SRGAP2: variants seen among roughly 807,000 people sequenced by gnomAD.
SRGAP2 encodes SLIT-ROBO Rho GTPase-activating protein 2.
Under a neutral mutation model 57.2 loss-of-function variants are expected in SRGAP2, and 15 were observed. That is an observed-to-expected ratio of 0.26 (90% confidence interval 0.18 to 0.40). The LOEUF (loss-of-function observed/expected upper bound fraction) is 0.40, where lower values mean the gene tolerates loss of function less well. Ranked by LOEUF, SRGAP2 falls within the 10% of genes least tolerant of loss-of-function variation. The pLI, the probability that SRGAP2 is intolerant of heterozygous loss-of-function variation, is 1.00. For synonymous variants in SRGAP2, 249 were observed against 248.0 expected, an observed-to-expected ratio of 1.00 and a Z score of -0.04; for missense variants, 520 against 669.6, an observed-to-expected ratio of 0.78 and a Z score of 2.47.
At chr1:206,275,888 T>G (rs2102671386) in intron 2 of SRGAP2, among the ~76,000 whole-genome samples, 1 of 152,102 alleles carries the variant, frequency 6.6e-6, no homozygotes, top group African/African-American at 2.4e-5. Context: ...GTGCTGGGAT[T>G]ACAAGTGTGA....
In SRGAP2 at chr1:206,454,011, T is replaced by C. The variant is rs1663589876; in HGVS notation, c.2360+631T>C. 4.6e-6 allele frequency: 3 copies of C among 659,014 alleles called. No homozygotes were observed. Among genetic ancestry groups the C allele is most frequent in the Non-Finnish European group, 8.3e-6 (3 of 362,790 alleles). The allele number at this position is 659,014 out of a possible 1,614,324, so 40.8% of individuals were successfully genotyped here. The stretch of plus-strand genomic sequence containing the variant: ...TAGGCTGTTGGTTGATTCTCACACT[T>C]TGAAGCAGTTGTCCCGTGGGCCCAC... On this transcript the variant is annotated intron_variant, in intron 20 of 22. Coordinates refer to ENST00000573034, the MANE Select transcript of SRGAP2 (RefSeq NM_015326.5). The surrounding 1 kb of genome is among the most constrained non-coding windows in gnomAD (Gnocchi z 4.3).
intron 4 of SRGAP2, among the ~76,000 whole-genome samples, chr1:206,354,758 C>G (rs1352155439): frequency 6.6e-6 from 1 of 151,050 alleles, no homozygotes; most frequent in African/African-American, 2.4e-5. Flanking sequence ...CTCTCTCCTT[C>G]TCTCCCTCCT....
intron 2 of SRGAP2, among the ~76,000 whole-genome samples, chr1:206,249,516 TCTCA>T (rs1412323261): frequency 4.0e-5 from 6 of 151,388 alleles, no homozygotes; most frequent in Admixed American, 6.6e-5. Flanking sequence ...CACCACATGT[TCTCA>T]CTCATAAGTG....
At chr1:206,333,720 G>C (rs1308695422) in intron 3 of SRGAP2, among the ~76,000 whole-genome samples, 25 of 152,176 alleles carry the variant, frequency 1.6e-4, no homozygotes, top group Admixed American at 1.6e-3. Context: ...CAGGTGAAGA[G>C]ATTTTGAGAC....
chr1:206,416,403 T>C (rs1472786289), intron 11 of SRGAP2, among the ~76,000 whole-genome samples: 1 of 152,196 alleles, frequency 6.6e-6, no homozygotes, highest in Non-Finnish European at 1.5e-5. Context: ...AATCCTCAAA[T>C]GCAGGAGGGA....
At chr1:206,206,881 C>T (rs573564830) in intron 2 of SRGAP2, 1 of 146,480 alleles carries the variant, frequency 6.8e-6, no homozygotes, top group East Asian at 1.9e-4. Context: ...AGTCGACTGA[C>T]TTGACTCATG....
chr1:206,391,617 A>ACG (rs1656968108), intron 5 of SRGAP2, among the ~76,000 whole-genome samples: 2 of 130,802 alleles, frequency 1.5e-5, no homozygotes, highest in African/African-American at 3.4e-5. Context: ...ACACACATGC[A>ACG]CACACACACA....
At chr1:206,416,090 T>C (rs1659679533) in intron 11 of SRGAP2, 117 bp downstream of exon 11, 1 of 617,966 alleles carries the variant, frequency 1.6e-6, no homozygotes, top group Admixed American at 2.8e-5. Context: ...TGAATGCCTT[T>C]CTTTTCTTGG....
At chr1:206,318,283 A>C (rs1673193795) in intron 3 of SRGAP2, among the ~76,000 whole-genome samples, 1 of 151,588 alleles carries the variant, frequency 6.6e-6, no homozygotes, top group Non-Finnish European at 1.5e-5. Flanking sequence ...TTGAAGACAA[A>C]GCACAGGCTA....
rs368662127 is a variant in SRGAP2, at chr1:206,461,076, C to T, written c.2872C>T (p.Arg958Trp). 2.6e-5 allele frequency: 19 copies of T among 741,616 alleles called. No individual in the cohort carries two copies. The highest frequency in any genetic ancestry group is 2.1e-4 in the African/African-American group (12 of 57,814). The allele number at this position is 741,616 out of a possible 1,614,324, so 45.9% of individuals were successfully genotyped here. Residue 958 changes from arginine (R) to tryptophan (W), a missense_variant, in exon 23 of 23, where the codon CGG (arginine) becomes TGG (tryptophan). This residue lies in a region of SRGAP2 where 478 missense variants were observed against 373.6 expected (regional missense o/e 1.28). Transcript: ENST00000573034. The stretch of plus-strand genomic sequence containing the variant: ...AATGAACTCGGCCCTGAATGAGCTA[C>T]GGGAACTAGAACGGCAGAGCAGTGT... The part of the protein sequence containing the change: ...ATMNSALNEL[R>W]ELERQSSVKH...
chr1:206,333,204 C>T (rs1674506525), intron 3 of SRGAP2: 1 of 533,476 alleles, frequency 1.9e-6, no homozygotes, highest in African/African-American at 2.0e-5. Flanking sequence ...AACCACTGCT[C>T]TCTTCAAAGC....
intron 4 of SRGAP2, among the ~76,000 whole-genome samples, chr1:206,368,451 G>GT (rs1272738294): frequency 3.1e-5 from 1 of 32,618 alleles, no homozygotes; most frequent in Non-Finnish European, 6.3e-5. Context: ...AACTTAAAAC[G>GT]TAAGTGTGGC....
chr1:206,396,139 C>T (rs1223855680), intron 7 of SRGAP2, among the ~76,000 whole-genome samples: 8 of 150,996 alleles, frequency 5.3e-5, no homozygotes, highest in African/African-American at 1.7e-4. Context: ...CCCGCCACCA[C>T]GCCCAGCTAA....
At chr1:206,399,086 A>G (rs1657895675) in intron 7 of SRGAP2, among the ~76,000 whole-genome samples, 1 of 152,252 alleles carries the variant, frequency 6.6e-6, no homozygotes, top group African/African-American at 2.4e-5. Context: ...AGAAGGATTA[A>G]GTAGCTTGCT....
intron 13 of SRGAP2, among the ~76,000 whole-genome samples, chr1:206,428,433 A>AG (rs1182499148): frequency 2.6e-5 from 4 of 151,756 alleles, no homozygotes; most frequent in Admixed American, 6.6e-5. Flanking sequence ...AAAAAAAAAA[A>AG]AAAAAGAAAA....
At chr1:206,327,409 T>C (rs1553330387) in intron 3 of SRGAP2, among the ~76,000 whole-genome samples, 1 of 149,926 alleles carries the variant, frequency 6.7e-6, no homozygotes, top group African/African-American at 2.5e-5. Flanking sequence ...ATAAAAGGAA[T>C]TTTGAGATGT....
intron 2 of SRGAP2, among the ~76,000 whole-genome samples, chr1:206,276,957 C>G (rs1215309255): frequency 2.0e-5 from 3 of 149,990 alleles, no homozygotes; most frequent in African/African-American, 7.3e-5. Context: ...AAATGGTCAT[C>G]TATCACTCTT....
intron 2 of SRGAP2, among the ~76,000 whole-genome samples, chr1:206,292,401 T>G (rs1292923523): frequency 2.6e-5 from 4 of 152,084 alleles, no homozygotes; most frequent in African/African-American, 9.7e-5. Flanking sequence ...ACTGTCAGGC[T>G]GGTGCATCAA....
At chr1:206,267,329 G>A (rs1415671480) in intron 2 of SRGAP2, among the ~76,000 whole-genome samples, 5 of 151,918 alleles carry the variant, frequency 3.3e-5, no homozygotes, top group Non-Finnish European at 5.9e-5. Flanking sequence ...AGAGTGGGCC[G>A]TGGCAAATAT....
Sources: allele counts gnomAD v4.1 joint callset (sites outside exome capture counted in the v4.1 genomes callset), GRCh38; gene constraint gnomAD v4.1.1; regional missense constraint gnomAD v4.1.1; non-coding constraint Gnocchi (gnomAD v3.1); transcripts MANE v1.5; gene names NCBI Gene and HGNC (gene_info 2026-07-23, HGNC 2026-07-21).